Variants in RAD51B observed in about 807,000 individuals in gnomAD.
RAD51B encodes the protein RAD51 paralog B, also known as DNA repair protein RAD51 homolog 2.
Under a neutral mutation model 42.2 loss-of-function variants are expected in RAD51B, and 38 were observed. That is an observed-to-expected ratio of 0.90 (90% confidence interval 0.70 to 1.18). The LOEUF is 1.18. Among genes scored for constraint, RAD51B ranks in the 50% most tolerant of loss-of-function variants. RAD51B has a pLI of 0.00. For missense variants in RAD51B, 373 were observed against 400.7 expected (o/e 0.93, Z 0.59); for synonymous variants, 154 against 145.2 (o/e 1.06, Z -0.43).
intron 8 of RAD51B, among the ~76,000 whole-genome samples, chr14:68,404,755 G>C (rs572597460): frequency 1.3e-5 from 2 of 152,144 alleles, no homozygotes; most frequent in Non-Finnish European, 2.9e-5. Context: ...TAAGTAACTT[G>C]CTGAGCCAGA....
chr14:67,909,911 C>G (rs2043912139), intron 7 of RAD51B, among the ~76,000 whole-genome samples: 1 of 152,188 alleles, frequency 6.6e-6, no homozygotes, highest in East Asian at 1.9e-4. Context: ...CCATCTTGGC[C>G]TTCCAAAGTG....
intron 7 of RAD51B, among the ~76,000 whole-genome samples, chr14:67,985,279 A>G (rs2075164491): frequency 6.6e-6 from 1 of 152,212 alleles, no homozygotes; most frequent in Admixed American, 6.5e-5. Flanking sequence ...AGTAAATTGC[A>G]GAGGTTGCAA....
chr14:68,124,705 G>A (rs2077719224), intron 7 of RAD51B, among the ~76,000 whole-genome samples: 1 of 152,200 alleles, frequency 6.6e-6, no homozygotes, highest in Admixed American at 6.5e-5. Flanking sequence ...TGTAATCTCA[G>A]CACTTTGGGA....
In RAD51B at chr14:68,673,402, TACAC is replaced by T. The variant is rs757438017; in HGVS notation, c.*11+22552_*11+22555del. Among the ~76,000 whole-genome samples, 915 of 119,244 alleles carry T rather than the reference TACAC, an allele frequency of 7.7e-3. 6 individuals are homozygous for T. The highest frequency in any genetic ancestry group is 0.033 in the African/African-American group (838 of 25,218). The allele number at this position is 119,244 out of a possible 152,430, so 78.2% of individuals were successfully genotyped here. On this transcript the variant is annotated intron_variant, in intron 11 of 11. Transcript: ENST00000488612. ...ACACAAATATATACATGCACACACA[TACAC>T]ACACATACTGTATGCAAACATGTAT...
intron 7 of RAD51B, among the ~76,000 whole-genome samples, chr14:68,160,982 T>C (rs183203187): frequency 3.3e-5 from 5 of 152,328 alleles, no homozygotes; most frequent in African/African-American, 1.2e-4. Context: ...AGCCAAGACG[T>C]GAGTTCTTTT....
Position 67,924,586 on chromosome 14 carries a change from T to A in RAD51B, c.756+37382T>A, listed in dbSNP as rs1411253281. Among the ~76,000 whole-genome samples, 38 of 152,156 alleles carry A rather than the reference T, an allele frequency of 2.5e-4. 1 individual carries two copies. The highest frequency in any genetic ancestry group is 2.5e-3 in the Admixed American group (38 of 15,270). On this transcript the variant is annotated intron_variant, in intron 7 of 10. Transcript: ENST00000471583. ...CATGGAATGGCAGCAGGCAAAGACT[T>A]TGTGCAGAGAAACTCCCGTTCTTAA...
At chr14:68,139,603 C>T (rs973045695) in intron 7 of RAD51B, among the ~76,000 whole-genome samples, 6 of 152,244 alleles carry the variant, frequency 3.9e-5, no homozygotes, top group African/African-American at 1.4e-4. Flanking sequence ...GGAGCACTCC[C>T]ACTGCCTCAC....
At chr14:67,872,163 C>A (rs1036532055) in intron 5 of RAD51B, among the ~76,000 whole-genome samples, 3 of 148,104 alleles carry the variant, frequency 2.0e-5, no homozygotes, top group African/African-American at 7.5e-5. Context: ...TGTTTGCAGA[C>A]GACATGATTG....
chr14:67,933,736 G>T (rs1305620158), intron 7 of RAD51B, among the ~76,000 whole-genome samples: 1 of 152,076 alleles, frequency 6.6e-6, no homozygotes, highest in Non-Finnish European at 1.5e-5. Flanking sequence ...TTCTCTTCTA[G>T]ATGTTCTATT....
At chr14:68,345,491 C>A (rs2082659226) in intron 8 of RAD51B, among the ~76,000 whole-genome samples, 1 of 151,842 alleles carries the variant, frequency 6.6e-6, no homozygotes, top group Admixed American at 6.6e-5. Context: ...CACCTCCCCC[C>A]ACTCTTGTTC....
At chr14:67,838,424 TA>T (rs965202746) in intron 4 of RAD51B, among the ~76,000 whole-genome samples, 31 of 152,228 alleles carry the variant, frequency 2.0e-4, no homozygotes, top group African/African-American at 7.5e-4. Context: ...TGTTTTTATT[TA>T]TTTTTAATTT....
At chr14:68,165,406 T>A (rs1289875940) in intron 7 of RAD51B, among the ~76,000 whole-genome samples, 1 of 152,130 alleles carries the variant, frequency 6.6e-6, no homozygotes, top group Admixed American at 6.5e-5. Context: ...ATAATGGCCA[T>A]CTAGAGGTTA....
chr14:68,508,309 A>G (rs1323191690), intron 10 of RAD51B, among the ~76,000 whole-genome samples: 1 of 152,120 alleles, frequency 6.6e-6, no homozygotes, highest in Non-Finnish European at 1.5e-5. Context: ...ACTGGGACCC[A>G]TGGCTCCTCA....
intron 9 of RAD51B, among the ~76,000 whole-genome samples, chr14:68,438,702 A>G (rs1347151900): frequency 2.6e-5 from 4 of 152,150 alleles, no homozygotes; most frequent in Non-Finnish European, 5.9e-5. Context: ...GTATAGAGAC[A>G]ATGGTTATCA....
chr14:68,669,782 A>T (rs1005209359), intron 11 of RAD51B, among the ~76,000 whole-genome samples: 4 of 152,028 alleles, frequency 2.6e-5, no homozygotes, highest in African/African-American at 4.8e-5. Flanking sequence ...CTTCTGTAAC[A>T]ACTCCAGAGC....
chr14:68,430,476 T>G (rs530255395), intron 9 of RAD51B, among the ~76,000 whole-genome samples: 35 of 152,336 alleles, frequency 2.3e-4, no homozygotes, highest in African/African-American at 7.9e-4. Context: ...CCCTTGGAAG[T>G]TGGATTCCTA....
intron 7 of RAD51B, among the ~76,000 whole-genome samples, chr14:68,163,946 T>G (rs922404889): frequency 6.6e-6 from 1 of 152,210 alleles, no homozygotes; most frequent in Non-Finnish European, 1.5e-5. Flanking sequence ...CTGGGTTAAT[T>G]AATATATTAT....
intron 10 of RAD51B, among the ~76,000 whole-genome samples, chr14:68,610,123 C>T (rs982724063): frequency 3.9e-5 from 6 of 152,130 alleles, no homozygotes; most frequent in South Asian, 2.1e-4. Flanking sequence ...GAACTTCTCA[C>T]GAAATTGAAC....
At chr14:68,568,557 C>T (rs1889535802) in intron 10 of RAD51B, among the ~76,000 whole-genome samples, 1 of 152,198 alleles carries the variant, frequency 6.6e-6, no homozygotes, top group Non-Finnish European at 1.5e-5. Context: ...CCATCCCTTG[C>T]TCTTCCAAGG....
Sources: allele counts gnomAD v4.1 joint callset (sites outside exome capture counted in the v4.1 genomes callset), GRCh38; gene constraint gnomAD v4.1.1; transcripts MANE v1.5; gene names NCBI Gene and HGNC (gene_info 2026-07-23, HGNC 2026-07-21).